NAV3: variants seen among roughly 807,000 people sequenced by gnomAD.
NAV3 encodes the protein neuron navigator 3.
In NAV3, 87 loss-of-function variants were observed where a neutral mutation model predicts 244.7. The ratio of observed to expected loss-of-function variants is 0.36; its 90% CI spans 0.30 to 0.42. NAV3 has a LOEUF of 0.42. Among genes scored for constraint, NAV3 ranks in the 20% least tolerant of loss-of-function variants. The probability of loss-of-function intolerance (pLI) is 1.00; values close to 1 mark genes in which losing one functional copy is unlikely to be tolerated. For synonymous variants in NAV3, 1,126 were observed against 1,042.2 expected, an observed-to-expected ratio of 1.08 and a Z score of -1.55; for missense variants, 2,663 against 2,893.3, an observed-to-expected ratio of 0.92 and a Z score of 1.83.
intron 5 of NAV3, among the ~76,000 whole-genome samples, chr12:77,994,378 C>T (rs1171522854): frequency 6.6e-6 from 1 of 152,214 alleles, no homozygotes; most frequent in African/African-American, 2.4e-5. Context: ...ACTAAAGGAA[C>T]TAATGACTGT....
At chr12:77,713,347 T>TA (rs1237454065) in intron 2 of NAV3, among the ~76,000 whole-genome samples, 6 of 152,218 alleles carry the variant, frequency 3.9e-5, no homozygotes, top group African/African-American at 1.2e-4. Flanking sequence ...GACTATGCTA[T>TA]ACAACTGTAC....
chr12:77,592,026 G>A (rs770445539), intron 2 of NAV3, among the ~76,000 whole-genome samples: 6 of 151,858 alleles, frequency 4.0e-5, no homozygotes, highest in Non-Finnish European at 5.9e-5. Flanking sequence ...AGAAATTCTG[G>A]GCCACTTAAT....
intron 2 of NAV3, among the ~76,000 whole-genome samples, chr12:77,660,602 G>A (rs996510550): frequency 3.3e-5 from 5 of 152,132 alleles, no homozygotes; most frequent in Non-Finnish European, 1.5e-5. Flanking sequence ...AAACAGGTAT[G>A]ATTGTATGCA....
At chr12:77,649,207 C>T (rs1176561731) in intron 2 of NAV3, among the ~76,000 whole-genome samples, 1 of 152,110 alleles carries the variant, frequency 6.6e-6, no homozygotes, top group Admixed American at 6.6e-5. Flanking sequence ...ATTTCTTGAG[C>T]TTCTACTATA....
intron 2 of NAV3, among the ~76,000 whole-genome samples, chr12:77,731,758 A>G (rs1877135732): frequency 1.3e-5 from 2 of 152,012 alleles, no homozygotes; most frequent in Non-Finnish European, 1.5e-5. Context: ...AATCTTTCCA[A>G]AAGTATTCAA....
In NAV3 at chr12:78,064,874, A is replaced by G. The variant is rs555228587; in HGVS notation, c.2636+5759A>G. Among the ~76,000 whole-genome samples, 7 of 152,164 alleles carry G rather than the reference A, an allele frequency of 4.6e-5. No homozygotes were observed. In the South Asian group the frequency reaches 1.5e-3, roughly 32 times the overall value. On this transcript the variant is annotated intron_variant, in intron 12 of 39. Transcript: ENST00000397909. The stretch of plus-strand genomic sequence containing the variant: ...TGCCTTTGGAAATGCGTAAATGTGG[A>G]AAAGAGAGCCAGGGATTGCCAAACC...
chr12:78,162,377 AG>A (rs1957580424), intron 23 of NAV3, among the ~76,000 whole-genome samples: 1 of 152,110 alleles, frequency 6.6e-6, no homozygotes, highest in African/African-American at 2.4e-5. Flanking sequence ...AAAACAGTAC[AG>A]ACAATATAGA....
chr12:77,577,531 G>C (rs2136663370), intron 2 of NAV3, among the ~76,000 whole-genome samples: 1 of 152,106 alleles, frequency 6.6e-6, no homozygotes, highest in Admixed American at 6.5e-5. Context: ...TTCTAGACTA[G>C]ACTATGTGCT....
intron 2 of NAV3, among the ~76,000 whole-genome samples, chr12:77,599,616 G>T (rs1467541402): frequency 2.6e-5 from 4 of 151,574 alleles, no homozygotes; most frequent in Admixed American, 6.6e-5. Flanking sequence ...GGTTAGTAGA[G>T]ATATATATAT....
In NAV3 at chr12:78,144,927, AAAAAAAAAAAAAAAAAAAAAG is replaced by A. The variant is rs1201057711; in HGVS notation, c.4684-1438_4684-1418del. On this transcript the variant is annotated intron_variant, in intron 20 of 39. Coordinates refer to ENST00000397909, the MANE Select transcript of NAV3 (RefSeq NM_001024383.2). ...GATCCTGTCTCAAAAAAAAAAAAAA[AAAAAAAAAAAAAAAAAAAAAG>A]AAAGAAAGAAAGAAAAACAACAACA... 89 of 143,878 alleles carry A rather than the reference AAAAAAAAAAAAAAAAAAAAAG, an allele frequency of 6.2e-4. 2 individuals are homozygous for A. The highest frequency in any genetic ancestry group is 3.0e-3 in the Middle Eastern group (1 of 336). The allele number at this position is 143,878 out of a possible 1,614,324, so 8.9% of individuals were successfully genotyped here.
At chr12:77,990,733 G>A (rs2136351736) in intron 5 of NAV3, among the ~76,000 whole-genome samples, 1 of 152,172 alleles carries the variant, frequency 6.6e-6, no homozygotes, top group African/African-American at 2.4e-5. Flanking sequence ...GTTTATTTGA[G>A]TCAGAATTCA....
chr12:77,654,068 G>A (rs1391899111), intron 2 of NAV3, among the ~76,000 whole-genome samples: 9 of 152,300 alleles, frequency 5.9e-5, no homozygotes, highest in African/African-American at 1.4e-4. Context: ...CTGAGGTACC[G>A]GGTTCATCTC....
intron 3 of NAV3, among the ~76,000 whole-genome samples, chr12:77,961,421 T>A: frequency 1.2e-5 from 1 of 80,788 alleles, no homozygotes; most frequent in African/African-American, 3.7e-5. Flanking sequence ...TTTACTATAT[T>A]ATGTATATAC....
intron 2 of NAV3, among the ~76,000 whole-genome samples, chr12:77,691,737 A>C (rs1875042670): frequency 6.6e-6 from 1 of 151,796 alleles, no homozygotes; most frequent in African/African-American, 2.4e-5. Flanking sequence ...GATATGCTTT[A>C]AAGTTGATTT....
At chr12:78,006,296 G>T (rs1311863061) in intron 7 of NAV3, 123 bp from the exon 8 acceptor site, 2 of 874,708 alleles carry the variant, frequency 2.3e-6, no homozygotes, top group Admixed American at 2.8e-5. Flanking sequence ...TGATGCTGCA[G>T]TCTCTTTTCA....
At chr12:77,744,688 A>G (rs187683116) in intron 2 of NAV3, among the ~76,000 whole-genome samples, 1 of 151,750 alleles carries the variant, frequency 6.6e-6, no homozygotes, top group African/African-American at 2.4e-5. Flanking sequence ...CCGAATTTTA[A>G]GGAGATTATA....
intron 2 of NAV3, among the ~76,000 whole-genome samples, chr12:77,704,979 A>G (rs1875727572): frequency 6.6e-6 from 1 of 152,204 alleles, no homozygotes; most frequent in Non-Finnish European, 1.5e-5. Context: ...TGTTATAGGA[A>G]ATAGTAAGTC....
intron 2 of NAV3, among the ~76,000 whole-genome samples, chr12:77,613,011 T>A (rs1377131308): frequency 6.6e-6 from 1 of 152,144 alleles, no homozygotes; most frequent in Non-Finnish European, 1.5e-5. Context: ...CCGCCGTGAT[T>A]GTAAGTTTCC....
chr12:78,115,157 A>T (rs1955310854), intron 12 of NAV3, among the ~76,000 whole-genome samples: 1 of 152,220 alleles, frequency 6.6e-6, no homozygotes, highest in Non-Finnish European at 1.5e-5. Flanking sequence ...TTTCATGATG[A>T]ATATTCTCAT....
Sources: gnomAD v4.1 joint callset for allele counts (sites outside exome capture counted in the v4.1 genomes callset) on GRCh38, gnomAD v4.1.1 for gene constraint, MANE v1.5 for transcripts, NCBI Gene and HGNC (gene_info 2026-07-23, HGNC 2026-07-21) for gene names.